GALNT17: variants seen among roughly 807,000 people sequenced by gnomAD.
GALNT17 encodes the protein UDP-GalNAc:polypeptide N-acetylgalactosaminyltransferase-like 3.
GALNT17 carries 29 observed loss-of-function variants against 63.7 expected under a neutral mutation model. The observed-to-expected ratio is 0.46, with a 90% CI of 0.34 to 0.62. The LOEUF is 0.62. Among genes scored for constraint, GALNT17 ranks in the 20% least tolerant of loss-of-function variants. The probability of loss-of-function intolerance (pLI) is 0.01; values close to 1 mark genes in which losing one functional copy is unlikely to be tolerated. For missense variants in GALNT17, 603 were observed against 799.6 expected (o/e 0.75, Z 2.97); for synonymous variants, 305 against 318.3 (o/e 0.96, Z 0.45).
intron 6 of GALNT17, among the ~76,000 whole-genome samples, chr7:71,607,997 T>A (rs1790071363): frequency 6.6e-6 from 1 of 152,226 alleles, no homozygotes; most frequent in African/African-American, 2.4e-5. Flanking sequence ...GAGAGTTGAA[T>A]GACTCTCTAG....
chr7:71,269,389 C>T (rs138565666), intron 1 of GALNT17, among the ~76,000 whole-genome samples: 23 of 152,258 alleles, frequency 1.5e-4, no homozygotes, highest in African/African-American at 3.4e-4. Context: ...ATCATTTGAG[C>T]CCAGGAGTTT....
intron 6 of GALNT17, among the ~76,000 whole-genome samples, chr7:71,633,112 AAAAAAAAAAAAAAG>A (rs1790479498): frequency 6.6e-6 from 1 of 151,256 alleles, no homozygotes; most frequent in African/African-American, 2.4e-5. Context: ...TCAAAAAAAA[AAAAAAAAAAAAAAG>A]AAGGTTGATT....
chr7:71,434,321 A>G (rs1786920209), intron 5 of GALNT17, among the ~76,000 whole-genome samples: 1 of 152,164 alleles, frequency 6.6e-6, no homozygotes, highest in South Asian at 2.1e-4. Flanking sequence ...ACCAAGGAAC[A>G]TCCTTGGTGA....
At chr7:71,313,569 G>A (rs1791447375) in intron 1 of GALNT17, among the ~76,000 whole-genome samples, 1 of 152,158 alleles carries the variant, frequency 6.6e-6, no homozygotes, top group Admixed American at 6.5e-5. Context: ...CGTGAAAGAA[G>A]CTCTGTGAAA....
At chr7:71,299,260 C>T (rs538572824) in intron 1 of GALNT17, among the ~76,000 whole-genome samples, 1 of 152,250 alleles carries the variant, frequency 6.6e-6, no homozygotes, top group African/African-American at 2.4e-5. Context: ...AATAACTTTT[C>T]TCTTGGATGG....
At chr7:71,362,769 C>G (rs1392245779) in intron 2 of GALNT17, among the ~76,000 whole-genome samples, 5 of 152,130 alleles carry the variant, frequency 3.3e-5, no homozygotes, top group African/African-American at 1.2e-4. Flanking sequence ...CCGCTGAAAG[C>G]CTTCCCCGTG....
At position 71,306,568 on chromosome 7, in the gene GALNT17, C is replaced by G. The variant is rs537756171; in HGVS notation, c.239-28982C>G. ...AAGTTGTAGCATGTGTTAGGATTTC[C>G]TTCCTTTTGAAGGCTGAATAATAAT... On this transcript the variant is annotated intron_variant, in intron 1 of 10. Coordinates refer to ENST00000333538, the MANE Select transcript of GALNT17 (RefSeq NM_022479.3). Among the ~76,000 whole-genome samples the G allele has an allele frequency of 1.1e-4, 16 of 152,266 alleles. No homozygotes were observed. In the East Asian group the frequency reaches 2.7e-3, roughly 26 times the overall value.
chr7:71,704,360 G>T (rs1222744439), intron 9 of GALNT17, among the ~76,000 whole-genome samples: 1 of 152,064 alleles, frequency 6.6e-6, no homozygotes, highest in Non-Finnish European at 1.5e-5. Flanking sequence ...ATTATTGAAA[G>T]AAATTAAAGA....
chr7:71,319,094 T>TTTTCTTTCTTTC (rs372024382), intron 1 of GALNT17, among the ~76,000 whole-genome samples: 5 of 49,170 alleles, frequency 1.0e-4, no homozygotes, highest in African/African-American at 2.6e-4. Context: ...CTATTTTTGT[T>TTTTCTTTCTTTC]TATCTTTCTT....
chr7:71,289,311 CT>C (rs1168163488), intron 1 of GALNT17, among the ~76,000 whole-genome samples: 2 of 150,096 alleles, frequency 1.3e-5, no homozygotes, highest in Non-Finnish European at 2.9e-5. Flanking sequence ...GGAGATTTTG[CT>C]TTTATGTACA....
chr7:71,614,878 GGGAAGGGAGGGAGGGAGGGAGGGAGGGA>G (rs1261327131), intron 6 of GALNT17, among the ~76,000 whole-genome samples: 4 of 136,528 alleles, frequency 2.9e-5, no homozygotes, highest in Non-Finnish European at 4.7e-5. Context: ...GAAACAGGGA[GGGAAGGGAGGGAGGGAGGGAGGGAGGGA>G]GGAAGGGAGG....
At chr7:71,238,067 A>G (rs1789927620) in intron 1 of GALNT17, among the ~76,000 whole-genome samples, 1 of 152,126 alleles carries the variant, frequency 6.6e-6, no homozygotes, top group Non-Finnish European at 1.5e-5. Context: ...TCTCCCACTA[A>G]TCCACTCCAC....
chr7:71,630,140 T>G (rs1790434487), intron 6 of GALNT17, among the ~76,000 whole-genome samples: 1 of 150,694 alleles, frequency 6.6e-6, no homozygotes, highest in Non-Finnish European at 1.5e-5. Flanking sequence ...ACTCCTGAAC[T>G]CAAGCAGTCC....
At chr7:71,385,692 G>T (rs1792930249) in intron 2 of GALNT17, among the ~76,000 whole-genome samples, 1 of 152,104 alleles carries the variant, frequency 6.6e-6, no homozygotes, top group Admixed American at 6.5e-5. Context: ...GGAATACTTT[G>T]CCCCCAGCAG....
chr7:71,233,753 A>G (rs1789836853), intron 1 of GALNT17, among the ~76,000 whole-genome samples: 1 of 152,282 alleles, frequency 6.6e-6, no homozygotes, highest in East Asian at 1.9e-4. Flanking sequence ...GGGAGCACAC[A>G]TGTATTAGTC....
At chr7:71,371,603 G>T (rs1252776108) in intron 2 of GALNT17, among the ~76,000 whole-genome samples, 1 of 152,050 alleles carries the variant, frequency 6.6e-6, no homozygotes, top group African/African-American at 2.4e-5. Flanking sequence ...TTATTTTGAT[G>T]ATCAGAGGTT....
At chr7:71,565,597 C>G (rs1473302188) in intron 5 of GALNT17, among the ~76,000 whole-genome samples, 2 of 145,962 alleles carry the variant, frequency 1.4e-5, no homozygotes, top group Non-Finnish European at 3.0e-5. Context: ...CTCCCCAGAT[C>G]TGTTCTGCAC....
intron 6 of GALNT17, among the ~76,000 whole-genome samples, chr7:71,662,811 C>T (rs188910526): frequency 6.6e-6 from 1 of 152,208 alleles, no homozygotes; most frequent in Non-Finnish European, 1.5e-5. Flanking sequence ...TGAATTTTTA[C>T]TCTTATGTTT....
intron 1 of GALNT17, among the ~76,000 whole-genome samples, chr7:71,184,982 TCCTTC>T (rs1562894844): frequency 8.1e-6 from 1 of 123,488 alleles, no homozygotes; most frequent in Non-Finnish European, 1.6e-5. Flanking sequence ...CTTCCTTCCT[TCCTTC>T]CTTCCTTCCT....
Sources: gnomAD v4.1 joint callset for allele counts (sites outside exome capture counted in the v4.1 genomes callset) on GRCh38, gnomAD v4.1.1 for gene constraint, MANE v1.5 for transcripts, NCBI Gene and HGNC (gene_info 2026-07-23, HGNC 2026-07-21) for gene names.